Variants in FAM114A1 observed in about 807,000 individuals in gnomAD.
FAM114A1 encodes protein NOXP20.
A neutral mutation model predicts 64.3 loss-of-function variants in FAM114A1; 62 were observed. That is an observed-to-expected ratio of 0.96 (90% CI 0.79 to 1.19). The LOEUF is 1.19. Among genes scored for constraint, FAM114A1 ranks in the 50% most tolerant of loss-of-function variants. The pLI, the probability that FAM114A1 is intolerant of heterozygous loss-of-function variation, is 0.00. For missense variants in FAM114A1, 645 were observed against 676.3 expected (o/e 0.95, Z 0.51); for synonymous variants, 254 against 251.1 (o/e 1.01, Z -0.11).
At chr4:38,936,014 GGTGA>G (rs1560334914) in intron 13 of FAM114A1, among the ~76,000 whole-genome samples, 1 of 151,962 alleles carries the variant, frequency 6.6e-6, no homozygotes, top group Non-Finnish European at 1.5e-5. Context: ...CAAGATGTTG[GGTGA>G]GTGAGTTTTC....
Position 38,905,560 on chromosome 4 carries a change from A to C in FAM114A1, c.475A>C (p.Thr159Pro), listed in dbSNP as rs769373805. Reference sequence around the variant, plus strand: ...GGCAGTCAAGGAAAAAGCAGGAGCCACTCTACGGATTCATGGTGTAAATTC... The same window carrying C: ...GGCAGTCAAGGAAAAAGCAGGAGCCCCTCTACGGATTCATGGTGTAAATTC... The part of the protein sequence containing the change: ...LTAVKEKAGA[T>P]LRIHGVNSGS... Residue 159 changes from threonine (T) to proline (P), a missense_variant, in exon 5 of 15, where the codon ACT becomes CCT. By Grantham distance (38) the Thr-to-Pro change is conservative (BLOSUM62 -1). Coordinates refer to ENST00000358869, the MANE Select transcript of FAM114A1 (RefSeq NM_138389.4). 2.1e-5 allele frequency: 34 copies of C among 1,614,038 alleles called. 1 individual carries two copies. The East Asian group carries it at 6.7e-4, about 32-fold the overall frequency.
chr4:38,923,696 G>A (rs1719846864), intron 9 of FAM114A1, among the ~76,000 whole-genome samples: 1 of 152,294 alleles, frequency 6.6e-6, no homozygotes, highest in South Asian at 2.1e-4. Context: ...AAAAAGTTCA[G>A]TTCTGACAAA....
chr4:38,921,047 G>A (rs1413770750), intron 8 of FAM114A1, among the ~76,000 whole-genome samples: 1 of 152,196 alleles, frequency 6.6e-6, no homozygotes, highest in Non-Finnish European at 1.5e-5. Flanking sequence ...TTATCCCGAT[G>A]TGCTCATCTA....
At position 38,908,657 on chromosome 4, in the gene FAM114A1, C is replaced by G. The variant is rs1381172752; in HGVS notation, c.723C>G (p.Val241=). The change falls in exon 7 of 15, where the codon GTC becomes GTG. Residue 241 remains valine (V), a synonymous_variant. Coordinates refer to ENST00000358869, the MANE Select transcript of FAM114A1 (RefSeq NM_138389.4). ...TCATCGGCAAGAAAACCATGAATGT[C>G]CTTGCAGAAAGTGACCCGGGCTTTA... ...LEFIGKKTMN[V]LAESDPGFKR... 6.2e-7 allele frequency: 1 copy of G among 1,613,488 alleles called. No individual in the cohort carries two copies. The highest frequency in any genetic ancestry group is 1.1e-5 in the South Asian group (1 of 90,994).
intron 3 of FAM114A1, 129 bp from the exon 4 acceptor site, chr4:38,891,614 C>CCCT (rs947101189): frequency 7.9e-6 from 6 of 759,716 alleles, no homozygotes; most frequent in Non-Finnish European, 1.3e-5. Flanking sequence ...CCCTTATAAA[C>CCCT]TATAAGCCAA....
At chr4:38,931,372 G>A (rs1720615032) in intron 10 of FAM114A1, 79 bp from the exon 11 acceptor site, 8 of 1,490,178 alleles carry the variant, frequency 5.4e-6, no homozygotes, top group African/African-American at 1.4e-5. Flanking sequence ...AGAGACACTT[G>A]ATTCTAGTCT....
chr4:38,889,602 T>G (rs1716130980), intron 3 of FAM114A1, among the ~76,000 whole-genome samples: 1 of 152,180 alleles, frequency 6.6e-6, no homozygotes, highest in Non-Finnish European at 1.5e-5. Flanking sequence ...ATGCCACTAT[T>G]GTTTGCATTT....
chr4:38,923,010 C>A, intron 9 of FAM114A1, 117 bp downstream of exon 9: 1 of 1,167,774 alleles, frequency 8.6e-7, no homozygotes, highest in Non-Finnish European at 1.2e-6. Context: ...TCCATGCTTC[C>A]AAAAGACACT....
intron 7 of FAM114A1, 87 bp downstream of exon 7, chr4:38,908,813 G>T (rs1718272183): frequency 7.8e-6 from 10 of 1,286,832 alleles, no homozygotes; most frequent in Non-Finnish European, 1.0e-5. Context: ...CTCATTTAAA[G>T]CATGTGATTC....
At chr4:38,924,895 G>GAT (rs1719964948) in intron 9 of FAM114A1, among the ~76,000 whole-genome samples, 1 of 152,160 alleles carries the variant, frequency 6.6e-6, no homozygotes, top group Non-Finnish European at 1.5e-5. Context: ...GTCCTATTAA[G>GAT]GGTGTCATTT....
At chr4:38,882,604 G>A (rs1001049065) in intron 3 of FAM114A1, among the ~76,000 whole-genome samples, 3 of 152,134 alleles carry the variant, frequency 2.0e-5, no homozygotes, top group Admixed American at 1.3e-4. Context: ...ACTCCAGCCT[G>A]GGCAACAAGA....
At chr4:38,928,558 T>G (rs1720350194) in intron 9 of FAM114A1, among the ~76,000 whole-genome samples, 1 of 152,174 alleles carries the variant, frequency 6.6e-6, no homozygotes, top group African/African-American at 2.4e-5. Context: ...CTGTAAATAT[T>G]CATTTTAGCA....
intron 4 of FAM114A1, among the ~76,000 whole-genome samples, chr4:38,905,263 G>A (rs960117622): frequency 2.0e-5 from 3 of 152,154 alleles, no homozygotes; most frequent in South Asian, 2.1e-4. Flanking sequence ...GCCGGGCGTG[G>A]TGGTGTGCAT....
Position 38,932,328 on chromosome 4 carries a change from C to G in FAM114A1, c.1417C>G (p.Gln473Glu). Residue 473 changes from glutamine (Q) to glutamate (E), a missense_variant, in exon 12 of 15, where the codon CAA (glutamine) becomes GAA (glutamate). Gln to Glu is a conservative substitution (Grantham distance 29). Coordinates refer to ENST00000358869, the MANE Select transcript of FAM114A1 (RefSeq NM_138389.4). ...HKVAELILHG[Q>E]EEEKPAQDQA... is the part of the protein sequence containing the mutation. ...AGTAGCAGAATTAATTCTTCATGGA[C>G]AAGAAGAGGAAAAACCAGCTCAGGA... 1.2e-6 allele frequency: 2 copies of G among 1,612,782 alleles called. No individual in the cohort carries two copies. The highest frequency in any genetic ancestry group is 2.2e-5 in the South Asian group (2 of 90,738).
At chr4:38,895,764 C>T (rs1486756984) in intron 4 of FAM114A1, among the ~76,000 whole-genome samples, 1 of 152,212 alleles carries the variant, frequency 6.6e-6, no homozygotes, top group African/African-American at 2.4e-5. Flanking sequence ...GTGGTAAAGC[C>T]TATTGCGCCG....
chr4:38,909,470 T>C (rs1718328266), intron 7 of FAM114A1, among the ~76,000 whole-genome samples: 1 of 152,246 alleles, frequency 6.6e-6, no homozygotes, highest in South Asian at 2.1e-4. Context: ...TTTCCAGCCC[T>C]TCTTGCAAAA....
intron 7 of FAM114A1, among the ~76,000 whole-genome samples, chr4:38,913,108 C>T (rs1199111145): frequency 6.6e-6 from 1 of 152,168 alleles, no homozygotes; most frequent in Non-Finnish European, 1.5e-5. Context: ...GTTGTCTTCC[C>T]CTGTGACCTT....
rs374578510 is a variant in FAM114A1 at position 38,943,417 on chromosome 4, T to C, written c.1591-39T>C. 2.4e-5 allele frequency: 38 copies of C among 1,560,056 alleles called. No homozygotes were observed. The Admixed American group carries it at 3.7e-4, about 15-fold the overall frequency. ...TGGAAGTATTGTCAAGGTTGAACTA[T>C]GAAAATAACCCTTCAACCTCATTTT... On this transcript the variant is annotated intron_variant, in intron 14 of 14. Transcript: ENST00000358869.
chr4:38,929,525 C>T (rs1346036910), intron 10 of FAM114A1, among the ~76,000 whole-genome samples, 192 bp downstream of exon 10: 3 of 152,248 alleles, frequency 2.0e-5, no homozygotes, highest in Admixed American at 6.5e-5. Flanking sequence ...CGCCTATAAT[C>T]CCAGCACTTT....
Sources: gnomAD v4.1 joint callset for allele counts (sites outside exome capture counted in the v4.1 genomes callset) on GRCh38, gnomAD v4.1.1 for gene constraint, MANE v1.5 for transcripts, NCBI Gene and HGNC (gene_info 2026-07-23, HGNC 2026-07-21) for gene names.